The following NRXN1 variants were observed in gnomAD, a reference collection of about 807,000 sequenced individuals.
The protein encoded by NRXN1 is neurexin 1.
NRXN1 carries 39 observed loss-of-function variants against 150.9 expected under a neutral mutation model. That is an observed-to-expected ratio of 0.26 (90% CI 0.20 to 0.34). The LOEUF (loss-of-function observed/expected upper bound fraction) is 0.34, where lower values mean the gene tolerates loss of function less well. NRXN1 is among the 10% of genes least tolerant of loss of function. NRXN1 has a pLI of 1.00. For synonymous variants in NRXN1, 924 were observed against 757.0 expected, an observed-to-expected ratio of 1.22 and a Z score of -3.62; for missense variants, 1,815 against 1,949.9, an observed-to-expected ratio of 0.93 and a Z score of 1.30.
At chr2:50,816,432 A>C (rs1574576467) in intron 5 of NRXN1, among the ~76,000 whole-genome samples, 1 of 152,166 alleles carries the variant, frequency 6.6e-6, no homozygotes, top group Admixed American at 6.6e-5. Context: ...CCCAGAAAAC[A>C]AATAGCTAAC....
intron 18 of NRXN1, among the ~76,000 whole-genome samples, chr2:50,144,518 T>C (rs904426353): frequency 2.0e-5 from 3 of 151,784 alleles, no homozygotes; most frequent in African/African-American, 4.8e-5. Context: ...CTCAATCTCC[T>C]AAAAAATCAC....
intron 5 of NRXN1, among the ~76,000 whole-genome samples, chr2:50,909,354 G>A (rs78033701): frequency 6.6e-6 from 1 of 152,042 alleles, no homozygotes; most frequent in South Asian, 2.1e-4. Context: ...AACTAGCAGA[G>A]GAGTTTGTTT....
chr2:50,989,930 A>G (rs1444045156), intron 2 of NRXN1, among the ~76,000 whole-genome samples: 2 of 152,024 alleles, frequency 1.3e-5, no homozygotes, highest in African/African-American at 2.4e-5. Flanking sequence ...TCTCATTCAC[A>G]CCAGCAATGC....
chr2:50,931,471 T>C (rs142355087), intron 2 of NRXN1, among the ~76,000 whole-genome samples: 2,064 of 152,182 alleles, frequency 0.014, 45 homozygotes, highest in African/African-American at 0.048. Context: ...ATTATTTATA[T>C]GATATGACCG....
chr2:50,906,049 G>A (rs1254391718), intron 5 of NRXN1, among the ~76,000 whole-genome samples: 1 of 152,114 alleles, frequency 6.6e-6, no homozygotes, highest in Non-Finnish European at 1.5e-5. Context: ...GTTGAATGGT[G>A]TTATATAGTG....
At chr2:50,853,019 C>G (rs1372553529) in intron 5 of NRXN1, among the ~76,000 whole-genome samples, 1 of 152,118 alleles carries the variant, frequency 6.6e-6, no homozygotes. Context: ...TTGGCATGTT[C>G]TTAGTAAATA....
intron 5 of NRXN1, among the ~76,000 whole-genome samples, chr2:50,625,278 A>G (rs1056491873): frequency 1.3e-5 from 2 of 152,118 alleles, no homozygotes; most frequent in African/African-American, 4.8e-5. Context: ...CAGTGGCTAC[A>G]GGTAGTCAAA....
At chr2:50,392,160 G>A (rs544633213) in intron 17 of NRXN1, among the ~76,000 whole-genome samples, 2 of 152,200 alleles carry the variant, frequency 1.3e-5, no homozygotes, top group Admixed American at 6.5e-5. Flanking sequence ...GATAACTAGC[G>A]ATGAATTCAT....
intron 17 of NRXN1, among the ~76,000 whole-genome samples, chr2:50,283,306 C>A (rs2071705939): frequency 6.6e-6 from 1 of 152,112 alleles, no homozygotes; most frequent in African/African-American, 2.4e-5. Context: ...CTTTCTTCAA[C>A]AAAATTTAAA....
At chr2:50,287,431 A>T (rs2072339175) in intron 17 of NRXN1, among the ~76,000 whole-genome samples, 1 of 152,162 alleles carries the variant, frequency 6.6e-6, no homozygotes. Flanking sequence ...AAATGTTCAT[A>T]TAATTTCCAT....
chr2:50,431,326 T>A lies in NRXN1; in HGVS notation c.3364+34116A>T, dbSNP rs549163788. Among the ~76,000 whole-genome samples the A allele has an allele frequency of 4.2e-4, 64 of 152,298 alleles. 1 individual carries two copies. In the East Asian group the frequency reaches 0.011, roughly 26 times the overall value. On this transcript the variant is annotated intron_variant, in intron 17 of 22. Transcript: ENST00000401669. The stretch of plus-strand genomic sequence containing the variant: ...TTTCCTAAATGACTTCTTTGACCAG[T>A]GACCTGACAATCACCTAATCCAAGA...
intron 17 of NRXN1, among the ~76,000 whole-genome samples, chr2:50,453,130 T>C (rs1478137192): frequency 6.6e-6 from 1 of 152,218 alleles, no homozygotes; most frequent in Admixed American, 6.5e-5. Flanking sequence ...ATTAAAGTCT[T>C]TCATTATCTG....
intron 2 of NRXN1, among the ~76,000 whole-genome samples, chr2:50,939,927 G>C (rs1478590666): frequency 6.6e-6 from 1 of 152,042 alleles, no homozygotes; most frequent in Non-Finnish European, 1.5e-5. Flanking sequence ...GAATTATATA[G>C]CTGTCAATTA....
intron 2 of NRXN1, among the ~76,000 whole-genome samples, chr2:50,981,863 G>C (rs2104893409): frequency 6.7e-6 from 1 of 150,276 alleles, no homozygotes; most frequent in South Asian, 2.1e-4. Context: ...GTGTGTGTGT[G>C]GTGTGTAATC....
chr2:50,770,241 C>T (rs936256101), intron 5 of NRXN1, among the ~76,000 whole-genome samples: 94 of 152,152 alleles, frequency 6.2e-4, no homozygotes, highest in African/African-American at 4.6e-4. Context: ...GTCTATTTTA[C>T]ACTTTAGTGA....
In NRXN1 at chr2:50,786,626, A is replaced by C. The variant is rs115243355; in HGVS notation, c.832+135243T>G. 6.0e-3 allele frequency among the ~76,000 whole-genome samples: 910 copies of C among 152,274 alleles called. 12 individuals are homozygous for C. Among genetic ancestry groups the C allele is most frequent in the African/African-American group, 0.021 (882 of 41,566 alleles). On this transcript the variant is annotated intron_variant, in intron 5 of 22. Coordinates refer to ENST00000401669, the MANE Select transcript of NRXN1 (RefSeq NM_001330078.2). ...AAGTAGATTATTCTTCTACCTGCTT[A>C]AGGATAGTTTCAATTTTGATCCGAG... is the stretch of plus-strand genomic sequence containing the variant.
At chr2:50,249,563 A>T (rs1418778597) in intron 17 of NRXN1, among the ~76,000 whole-genome samples, 4 of 152,110 alleles carry the variant, frequency 2.6e-5, no homozygotes, top group African/African-American at 9.7e-5. Flanking sequence ...ATGATGATAA[A>T]AAGGTGTGAC....
chr2:50,126,558 T>C (rs1704618689), intron 18 of NRXN1, among the ~76,000 whole-genome samples: 1 of 152,162 alleles, frequency 6.6e-6, no homozygotes, highest in Non-Finnish European at 1.5e-5. Flanking sequence ...GTGAATAATT[T>C]TCTGTCTTTG....
At chr2:50,497,741 T>C (rs761863761) in intron 13 of NRXN1, 27 bp from the exon 14 acceptor site, 1 of 1,562,868 alleles carries the variant, frequency 6.4e-7, no homozygotes, top group South Asian at 1.2e-5. Flanking sequence ...TATATGATTA[T>C]TTTCTGTATC....
Sources: allele counts gnomAD v4.1 joint callset (sites outside exome capture counted in the v4.1 genomes callset), GRCh38; gene constraint gnomAD v4.1.1; transcripts MANE v1.5; gene names NCBI Gene and HGNC (gene_info 2026-07-23, HGNC 2026-07-21).